The following SRSF4 variants were observed in gnomAD, a reference collection of about 807,000 sequenced individuals.
SRSF4 encodes the protein serine/arginine-rich splicing factor 4.
Under a neutral mutation model 48.8 loss-of-function variants are expected in SRSF4, and 12 were observed. The ratio of observed to expected loss-of-function variants is 0.25; its 90% CI spans 0.16 to 0.40. The LOEUF (loss-of-function observed/expected upper bound fraction) is 0.40, where lower values mean the gene tolerates loss of function less well. Ranked by LOEUF, SRSF4 falls within the 10% of genes least tolerant of loss-of-function variation. SRSF4 has a pLI of 1.00. For synonymous variants in SRSF4, 248 were observed against 232.5 expected (o/e 1.07, Z -0.61); for missense variants, 466 against 667.1 (o/e 0.70, Z 3.32).
chr1:29,152,585 G>A (rs1399870642), intron 4 of SRSF4, among the ~76,000 whole-genome samples: 1 of 151,888 alleles, frequency 6.6e-6, no homozygotes, highest in African/African-American at 2.4e-5. Flanking sequence ...ACTTTCTCCT[G>A]CCCCCAGGCC....
intron 1 of SRSF4, among the ~76,000 whole-genome samples, chr1:29,165,016 T>C (rs1374863978): frequency 1.3e-5 from 2 of 152,164 alleles, no homozygotes; most frequent in East Asian, 3.8e-4. Context: ...AACCATTAAG[T>C]ACAATACAAA....
chr1:29,163,411 T>C (rs1033326269), intron 1 of SRSF4, among the ~76,000 whole-genome samples: 1 of 152,240 alleles, frequency 6.6e-6, no homozygotes, highest in Non-Finnish European at 1.5e-5. Context: ...GCCATTGACA[T>C]GCTGAGTGGG....
intron 1 of SRSF4, among the ~76,000 whole-genome samples, chr1:29,177,893 A>ATTTTTTT (rs397979781): frequency 2.6e-4 from 24 of 93,620 alleles, no homozygotes; most frequent in African/African-American, 9.3e-4. Flanking sequence ...ATTACACAAG[A>ATTTTTTT]TTTTTTTTTT....
At chr1:29,172,790 T>C (rs1372910459) in intron 1 of SRSF4, 3 of 152,106 alleles carry the variant, frequency 2.0e-5, no homozygotes, top group Non-Finnish European at 2.9e-5. Flanking sequence ...TCAGGGATAA[T>C]AAAAATGCAA....
Position 29,148,995 on chromosome 1 carries a change from A to G in SRSF4, c.900T>C (p.Ser300=), listed in dbSNP as rs1383536177. ...SPSRHKSKSK[S]RSRSQERRVE... The stretch of plus-strand genomic sequence containing the variant: ...CTCTCCTCTCCTGACTCCTGCTCCG[A>G]CTTTTGCTCTTACTTTTATGCCTGC... Residue 300 remains serine (S), a synonymous_variant, in exon 6 of 6, where the codon AGT becomes AGC. Transcript: ENST00000373795. 6.2e-7 allele frequency: 1 copy of G among 1,610,526 alleles called. No homozygotes were observed. Among genetic ancestry groups the G allele is most frequent in the South Asian group, 1.1e-5 (1 of 90,964 alleles).
At chr1:29,158,029 G>A (rs1312732063) in intron 3 of SRSF4, among the ~76,000 whole-genome samples, 4 of 152,048 alleles carry the variant, frequency 2.6e-5, no homozygotes, top group Admixed American at 2.6e-4. Context: ...AAAATTGGCC[G>A]GGCATGGTGG....
At chr1:29,156,930 C>T (rs1027373574) in intron 3 of SRSF4, among the ~76,000 whole-genome samples, 2 of 152,196 alleles carry the variant, frequency 1.3e-5, no homozygotes, top group African/African-American at 2.4e-5. Context: ...AGCAGACATT[C>T]AGGACGAAAC....
Position 29,148,651 on chromosome 1 carries a change from C to T in SRSF4, c.1244G>A (p.Arg415Gln), listed in dbSNP as rs1672345403. The T allele has an allele frequency of 3.7e-6, 6 of 1,614,158 alleles. No individual in the cohort carries two copies. Among genetic ancestry groups the T allele is most frequent in the East Asian group, 2.2e-5 (1 of 44,874 alleles). The change falls in exon 6 of 6, where the codon CGG becomes CAG. Residue 415 changes from arginine to glutamine, a missense_variant. Physicochemically the swap from Arg to Gln is conservative, Grantham distance 43. Around this residue, in one of 2 missense-constraint regions of SRSF4, gnomAD observed 402 missense variants for 437.0 expected, o/e 0.92. Coordinates refer to ENST00000373795, the MANE Select transcript of SRSF4 (RefSeq NM_005626.5). ...RSPSRSVSKE[R>Q]EHAKSESSQR... Reference sequence around the variant, plus strand: ...GCTGGATTCAGACTTGGCATGTTCCCGCTCCTTTGACACGGAGCGGGATGG... The same window carrying T: ...GCTGGATTCAGACTTGGCATGTTCCTGCTCCTTTGACACGGAGCGGGATGG...
At chr1:29,166,984 C>T (rs889475143) in intron 1 of SRSF4, 4 of 152,236 alleles carry the variant, frequency 2.6e-5, no homozygotes, top group Non-Finnish European at 5.9e-5. Flanking sequence ...GCTCCCAACA[C>T]CTTTGTAATC....
chr1:29,155,677 G>C (rs184271001), intron 3 of SRSF4, among the ~76,000 whole-genome samples: 149 of 152,246 alleles, frequency 9.8e-4, no homozygotes, highest in African/African-American at 3.5e-3. Context: ...GTTTTCATTA[G>C]AGATGGGGTT....
intron 1 of SRSF4, among the ~76,000 whole-genome samples, chr1:29,179,096 G>A (rs1330412955): frequency 6.6e-6 from 1 of 151,734 alleles, no homozygotes; most frequent in Admixed American, 6.6e-5. Context: ...TCCTCTTATC[G>A]CTCCATCTTC....
intron 3 of SRSF4, among the ~76,000 whole-genome samples, chr1:29,157,695 A>G (rs1023878844): frequency 6.6e-6 from 1 of 152,236 alleles, no homozygotes; most frequent in African/African-American, 2.4e-5. Flanking sequence ...ATTCCTAACT[A>G]TTCTTTCCTG....
Position 29,168,055 on chromosome 1 carries a change from G to A in SRSF4, c.108-7538C>T, listed in dbSNP as rs1293784256. ...AAAAAAAACATAGTCTCGCTCTGTC[G>A]CGCAGGCTGCAGCGCAGCGGCGCGA... is the stretch of plus-strand genomic sequence containing the variant. On this transcript the variant is annotated intron_variant, in intron 1 of 5. Coordinates refer to ENST00000373795, the MANE Select transcript of SRSF4 (RefSeq NM_005626.5). Among the ~76,000 whole-genome samples, 4 of 145,386 alleles carry A rather than the reference G, an allele frequency of 2.8e-5. No homozygotes were observed. In the South Asian group the frequency reaches 6.5e-4, roughly 24 times the overall value.
intron 1 of SRSF4, chr1:29,172,903 G>C (rs140720670): frequency 6.6e-6 from 1 of 152,180 alleles, no homozygotes; most frequent in Non-Finnish European, 1.5e-5. Context: ...GGTTGGGTAA[G>C]TCATAATATT....
At chr1:29,158,838 C>G (rs1672545316) in intron 3 of SRSF4, among the ~76,000 whole-genome samples, 1 of 151,808 alleles carries the variant, frequency 6.6e-6, no homozygotes, top group Non-Finnish European at 1.5e-5. Context: ...AAAACAAAAT[C>G]AGGCCGGGCG....
In SRSF4 at chr1:29,180,984, C is replaced by G. The variant is rs1039101119; in HGVS notation, c.107+662G>C. Among the ~76,000 whole-genome samples the G allele has an allele frequency of 2.0e-5, 3 of 152,198 alleles. No homozygotes were observed. In the South Asian group the frequency reaches 6.2e-4, roughly 32 times the overall value. ...GTAAGTTGGAAAACGGAAACCACAG[C>G]GTGGAAACTCTGCACGGAGTCTTAA... On this transcript the variant is annotated intron_variant, in intron 1 of 5. Coordinates refer to ENST00000373795, the MANE Select transcript of SRSF4 (RefSeq NM_005626.5).
intron 1 of SRSF4, among the ~76,000 whole-genome samples, chr1:29,177,007 G>T (rs1284780730): frequency 6.6e-6 from 1 of 151,948 alleles, no homozygotes; most frequent in Non-Finnish European, 1.5e-5. Flanking sequence ...TTAATATGTG[G>T]TAAGTTTTAC....
chr1:29,150,266 T>A, intron 4 of SRSF4, 74 bp from the exon 5 acceptor site: 3 of 771,166 alleles, frequency 3.9e-6, no homozygotes, highest in Admixed American at 7.0e-5. Flanking sequence ...ACTATATATA[T>A]TATATATATA....
intron 1 of SRSF4, among the ~76,000 whole-genome samples, chr1:29,178,174 A>G (rs1311653504): frequency 6.6e-6 from 1 of 152,094 alleles, no homozygotes; most frequent in Non-Finnish European, 1.5e-5. Flanking sequence ...TGATGGGATT[A>G]CAGGTGTGAG....
Sources: allele counts gnomAD v4.1 joint callset (sites outside exome capture counted in the v4.1 genomes callset), GRCh38; gene constraint gnomAD v4.1.1; regional missense constraint gnomAD v4.1.1; transcripts MANE v1.5; gene names NCBI Gene and HGNC (gene_info 2026-07-23, HGNC 2026-07-21).